NCOR2: variants seen among roughly 807,000 people sequenced by gnomAD.
NCOR2 encodes CTG repeat protein 26.
In NCOR2, 81 loss-of-function variants were observed where a neutral mutation model predicts 262.9. The ratio of observed to expected loss-of-function variants is 0.31; its 90% CI spans 0.26 to 0.37. The LOEUF (loss-of-function observed/expected upper bound fraction) is 0.37, where lower values mean the gene tolerates loss of function less well. Ranked by LOEUF, NCOR2 falls within the 10% of genes least tolerant of loss-of-function variation. The probability of loss-of-function intolerance (pLI) is 1.00; values close to 1 mark genes in which losing one functional copy is unlikely to be tolerated. For missense variants in NCOR2, 3,385 were observed against 3,621.4 expected (o/e 0.93, Z 1.68); for synonymous variants, 1,659 against 1,559.3 (o/e 1.06, Z -1.51).
At chr12:124,345,767 C>T (rs1431412418) in intron 31 of NCOR2, among the ~76,000 whole-genome samples, 1 of 152,216 alleles carries the variant, frequency 6.6e-6, no homozygotes, top group Non-Finnish European at 1.5e-5. Context: ...TCTGCCTTCT[C>T]CCTGGCTTCA....
rs1289322850 is a variant in NCOR2 at position 124,531,036 on chromosome 12, G to A, written c.-118+4529C>T. Among the ~76,000 whole-genome samples, 10 of 152,160 alleles carry A rather than the reference G, an allele frequency of 6.6e-5. No homozygotes were observed. Among genetic ancestry groups the A allele is most frequent in the Admixed American group, 6.5e-4 (10 of 15,282 alleles). ...GATGCCTGCTGTCCGGACAGGACACGGTTCCTGGGCTCCACCCAACCCGCC... is the reference window on the plus strand; with the variant it reads ...GATGCCTGCTGTCCGGACAGGACACAGTTCCTGGGCTCCACCCAACCCGCC... On this transcript the variant is annotated intron_variant, in intron 1 of 46. Coordinates refer to the NCOR2 transcript ENST00000404621. The surrounding 1 kb of genome is among the most constrained non-coding windows in gnomAD (Gnocchi z 4.5).
At chr12:124,437,098 T>A (rs1004314148) in intron 8 of NCOR2, among the ~76,000 whole-genome samples, 1 of 151,442 alleles carries the variant, frequency 6.6e-6, no homozygotes, top group South Asian at 2.1e-4. Flanking sequence ...AAATAAATAA[T>A]AAATAAATAA....
chr12:124,552,839 G>T (rs2051755908), intron 1 of NCOR2, among the ~76,000 whole-genome samples: 1 of 151,912 alleles, frequency 6.6e-6, no homozygotes, highest in Non-Finnish European at 1.5e-5. Context: ...CAGGTACCAT[G>T]CCCAGCTAGT....
intron 3 of NCOR2, among the ~76,000 whole-genome samples, chr12:124,474,391 G>A (rs965276996): frequency 9.5e-5 from 14 of 147,472 alleles, no homozygotes; most frequent in African/African-American, 3.5e-4. Flanking sequence ...TTCTTTCACT[G>A]AGAGTCACTC....
At chr12:124,453,261 G>A (rs529358728) in intron 6 of NCOR2, among the ~76,000 whole-genome samples, 174 of 152,314 alleles carry the variant, frequency 1.1e-3, no homozygotes, top group Non-Finnish European at 1.6e-3. Context: ...ACACAGGCTG[G>A]GGGGCATGGC....
chr12:124,335,183 T>C (rs767280599), exon 40 of NCOR2: 62 of 1,611,478 alleles, frequency 3.8e-5, no homozygotes, highest in Non-Finnish European at 5.0e-5. Flanking sequence ...CTTTGACCCC[T>C]GGGGCGGTCT....
At chr12:124,528,228 G>A (rs1055899999) in intron 1 of NCOR2, among the ~76,000 whole-genome samples, 1 of 152,182 alleles carries the variant, frequency 6.6e-6, no homozygotes, top group South Asian at 2.1e-4. Flanking sequence ...GAGACGGAAG[G>A]AGACACATGT....
At chr12:124,361,728 G>A (rs578100966) in intron 22 of NCOR2, among the ~76,000 whole-genome samples, 40 of 152,346 alleles carry the variant, frequency 2.6e-4, no homozygotes, top group Middle Eastern at 3.4e-3. Context: ...GATTCACACC[G>A]AATCAGAGGC....
intron 41 of NCOR2, among the ~76,000 whole-genome samples, chr12:124,334,081 T>C (rs1489316895): frequency 6.6e-6 from 1 of 150,976 alleles, no homozygotes; most frequent in African/African-American, 2.4e-5. Context: ...CTCTGTCACC[T>C]ACTGACTGTG....
At chr12:124,362,432 G>T in intron 21 of NCOR2, 135 bp from the exon 24 acceptor site, 1 of 770,942 alleles carries the variant, frequency 1.3e-6, no homozygotes, top group Non-Finnish European at 1.9e-6. Flanking sequence ...CCCAGGTGCG[G>T]CAAGAAAGGG....
chr12:124,399,049 G>C (rs2041850198), intron 15 of NCOR2, among the ~76,000 whole-genome samples: 2 of 152,200 alleles, frequency 1.3e-5, no homozygotes, highest in Admixed American at 1.3e-4. Flanking sequence ...CATGGACTCA[G>C]CACCTGGAAC....
intron 7 of NCOR2, 57 bp downstream of exon 9, chr12:124,449,758 G>A: frequency 1.3e-6 from 2 of 1,580,344 alleles, no homozygotes; most frequent in Non-Finnish European, 1.7e-6. Context: ...AGGCTGCTGA[G>A]AGCCTGCTCG....
chr12:124,369,463 G>A (rs757567733), intron 20 of NCOR2, among the ~76,000 whole-genome samples: 2 of 152,056 alleles, frequency 1.3e-5, no homozygotes, highest in African/African-American at 2.4e-5. Flanking sequence ...AGCAGGGGTC[G>A]CCTGGGGGGC....
intron 11 of NCOR2, among the ~76,000 whole-genome samples, chr12:124,425,577 AG>A (rs2043489778): frequency 6.6e-6 from 1 of 152,102 alleles, no homozygotes; most frequent in Admixed American, 6.6e-5. Context: ...GTGGCTCAGC[AG>A]GGCCCACGAT....
chr12:124,459,209 A>G (rs2136575765), intron 5 of NCOR2, among the ~76,000 whole-genome samples: 1 of 152,254 alleles, frequency 6.6e-6, no homozygotes, highest in South Asian at 2.1e-4. Context: ...GCAACTGTCC[A>G]TCTAGATAAA....
At chr12:124,502,531 CTA>C in intron 1 of NCOR2, among the ~76,000 whole-genome samples, 1 of 152,066 alleles carries the variant, frequency 6.6e-6, no homozygotes, top group Non-Finnish European at 1.5e-5. Flanking sequence ...AGGAGGGAGT[CTA>C]CACAGCAGGC....
chr12:124,414,907 G>C (rs1235279140), intron 13 of NCOR2, among the ~76,000 whole-genome samples: 3 of 152,198 alleles, frequency 2.0e-5, no homozygotes, highest in Non-Finnish European at 2.9e-5. Flanking sequence ...GAGTGGGGCT[G>C]GGCAGGGGCT....
intron 42 of NCOR2, 108 bp from the exon 45 acceptor site, chr12:124,332,575 T>G: frequency 6.9e-7 from 1 of 1,446,402 alleles, no homozygotes; most frequent in Non-Finnish European, 9.6e-7. Context: ...GAAGCAAGCT[T>G]CACCCGCCCC....
At chr12:124,437,794 C>G in intron 8 of NCOR2, 136 bp downstream of exon 10, 1 of 558,558 alleles carries the variant, frequency 1.8e-6, no homozygotes, top group Admixed American at 3.6e-5. Context: ...CCGGCCTTGG[C>G]TTTTCCTCCG....
Sources: allele counts gnomAD v4.1 joint callset (sites outside exome capture counted in the v4.1 genomes callset), GRCh38; gene constraint gnomAD v4.1.1; non-coding constraint Gnocchi (gnomAD v3.1); transcripts MANE v1.5; gene names NCBI Gene and HGNC (gene_info 2026-07-23, HGNC 2026-07-21).